The following CAPN13 variants were observed in gnomAD, a reference collection of about 807,000 sequenced individuals.
CAPN13 encodes calpain 13.
CAPN13 carries 90 observed loss-of-function variants against 98.4 expected under a neutral mutation model. The ratio of observed to expected loss-of-function variants is 0.92; its 90% CI spans 0.77 to 1.09. CAPN13 has a LOEUF of 1.09. CAPN13 is among the 50% of genes least tolerant of loss of function. CAPN13 has a pLI of 0.00. For synonymous variants in CAPN13, 330 were observed against 305.5 expected (o/e 1.08, Z -0.84); for missense variants, 887 against 841.3 (o/e 1.05, Z -0.67).
At chr2:30,767,450 C>A (rs761340088) in intron 5 of CAPN13, among the ~76,000 whole-genome samples, 1 of 152,126 alleles carries the variant, frequency 6.6e-6, no homozygotes, top group East Asian at 1.9e-4. Flanking sequence ...AAAATGGGGT[C>A]AAAGTCATCA....
At chr2:30,750,532 G>T (rs537644909) in intron 11 of CAPN13, among the ~76,000 whole-genome samples, 14 of 152,200 alleles carry the variant, frequency 9.2e-5, no homozygotes, top group African/African-American at 3.1e-4. Context: ...TAGCCAAGCA[G>T]AAGTTTGCAT....
intron 1 of CAPN13, among the ~76,000 whole-genome samples, chr2:30,798,385 C>A (rs2148105612): frequency 6.6e-6 from 1 of 152,218 alleles, no homozygotes; most frequent in Non-Finnish European, 1.5e-5. Flanking sequence ...TTGGGCAGAT[C>A]CCTTCCAACT....
chr2:30,804,770 G>A lies in CAPN13; in HGVS notation c.-33+2532C>T, dbSNP rs574091283. 1.2e-4 allele frequency among the ~76,000 whole-genome samples: 18 copies of A among 152,262 alleles called. No homozygotes were observed. In the South Asian group the frequency reaches 3.1e-3, roughly 26 times the overall value. On this transcript the variant is annotated intron_variant, in intron 1 of 22. Coordinates refer to ENST00000295055, the MANE Select transcript of CAPN13 (RefSeq NM_144575.3). ...ATCAGTGGCATGCTCCACCATGGACGTTCTGAGAGAGTTAGGATGCCCTCA... is the reference window on the plus strand; with the variant it reads ...ATCAGTGGCATGCTCCACCATGGACATTCTGAGAGAGTTAGGATGCCCTCA...
intron 1 of CAPN13, among the ~76,000 whole-genome samples, chr2:30,800,300 C>T (rs1398539128): frequency 1.3e-5 from 2 of 152,162 alleles, no homozygotes; most frequent in Non-Finnish European, 2.9e-5. Flanking sequence ...CCAAAGAGAT[C>T]AACAGCTTGG....
chr2:30,727,811 C>A (rs1372088595), intron 22 of CAPN13, among the ~76,000 whole-genome samples: 1 of 152,028 alleles, frequency 6.6e-6, no homozygotes, highest in African/African-American at 2.4e-5. Context: ...TAACTATACA[C>A]CCAATTGAAA....
In CAPN13 at chr2:30,775,900, A is replaced by T. The variant is rs1334247696; in HGVS notation, c.387+30T>A. ...CCCTGTACTCACAGAGAACCCCATCATATAATGAGCGCTGCAAGGGCACAC... is the reference window on the plus strand; with the variant it reads ...CCCTGTACTCACAGAGAACCCCATCTTATAATGAGCGCTGCAAGGGCACAC... On this transcript the variant is annotated intron_variant, in intron 4 of 22. Transcript: ENST00000295055. 5 of 1,523,952 alleles carry T rather than the reference A, an allele frequency of 3.3e-6. No homozygotes were observed. The South Asian group carries it at 6.0e-5, about 18-fold the overall frequency. The allele number at this position is 1,523,952 out of a possible 1,614,324, so 94.4% of individuals were successfully genotyped here. A position where few individuals can be genotyped will look rare whatever the true frequency, so the allele number is the denominator to read the frequency against.
At chr2:30,779,380 A>G (rs1277653744) in intron 2 of CAPN13, among the ~76,000 whole-genome samples, 1 of 152,218 alleles carries the variant, frequency 6.6e-6, no homozygotes, top group African/African-American at 2.4e-5. Flanking sequence ...AAATGTAAAG[A>G]CAGTTGAGAG....
chr2:30,774,239 C>T (rs1409604809), intron 4 of CAPN13, among the ~76,000 whole-genome samples: 2 of 151,476 alleles, frequency 1.3e-5, no homozygotes, highest in African/African-American at 4.9e-5. Flanking sequence ...TTCAGAAAAT[C>T]ACAAAAACAA....
intron 1 of CAPN13, among the ~76,000 whole-genome samples, chr2:30,799,561 T>C (rs1306394194): frequency 6.6e-6 from 1 of 152,156 alleles, no homozygotes; most frequent in Non-Finnish European, 1.5e-5. Flanking sequence ...GCTTGACTCC[T>C]GTCCTGCCCC....
intron 5 of CAPN13, among the ~76,000 whole-genome samples, chr2:30,767,850 C>T (rs555014591): frequency 6.6e-6 from 1 of 152,318 alleles, no homozygotes; most frequent in Non-Finnish European, 1.5e-5. Flanking sequence ...GGGCCCAGGA[C>T]TGCACTCGGC....
At chr2:30,725,725 T>C (rs1670836558) in intron 22 of CAPN13, among the ~76,000 whole-genome samples, 2 of 152,268 alleles carry the variant, frequency 1.3e-5, no homozygotes, top group South Asian at 2.1e-4. Flanking sequence ...CCTCAGAGTG[T>C]TGGAACTCCT....
rs140241192 is a variant in CAPN13 at position 30,776,325 on chromosome 2, G to A, written c.272-280C>T. On this transcript the variant is annotated intron_variant, in intron 3 of 22. Transcript: ENST00000295055. ...GGGCTCACTGCAACCTCCGCCTCCCGGGTTCAAGAGATTCTCCTGCCACAG... is the reference window on the plus strand; with the variant it reads ...GGGCTCACTGCAACCTCCGCCTCCCAGGTTCAAGAGATTCTCCTGCCACAG... 3.5e-3 allele frequency among the ~76,000 whole-genome samples: 537 copies of A among 152,148 alleles called. 2 individuals carry two copies. Among genetic ancestry groups the A allele is most frequent in the African/African-American group, 0.011 (462 of 41,500 alleles).
At chr2:30,770,211 AG>A in intron 5 of CAPN13, 101 bp downstream of exon 5, 1 of 1,477,212 alleles carries the variant, frequency 6.8e-7, no homozygotes, top group Non-Finnish European at 9.2e-7. Context: ...ATGCCCAGCC[AG>A]GTGGCAAAGG....
At chr2:30,764,057 T>A in intron 6 of CAPN13, 75 bp downstream of exon 6, 3 of 1,433,888 alleles carry the variant, frequency 2.1e-6, no homozygotes, top group Non-Finnish European at 2.8e-6. Context: ...CCTCCTTAGC[T>A]GAATGGACCC....
chr2:30,732,415 G>A, intron 20 of CAPN13, 23 bp downstream of exon 20: 1 of 1,612,304 alleles, frequency 6.2e-7, no homozygotes, highest in Non-Finnish European at 8.5e-7. Context: ...AAGGTCTCTG[G>A]GATGCCCCTT....
intron 4 of CAPN13, among the ~76,000 whole-genome samples, chr2:30,774,385 A>C (rs1164006061): frequency 2.0e-5 from 3 of 152,228 alleles, no homozygotes; most frequent in East Asian, 3.9e-4. Context: ...AAAACAAACA[A>C]ACACAACACC....
rs1307951681 is a variant in CAPN13 at position 30,732,571 on chromosome 2, G to A, written c.1799-5C>T. On this transcript the variant is annotated splice_polypyrimidine_tract_variant and splice_region_variant and intron_variant, in intron 19 of 22. Coordinates refer to ENST00000295055, the MANE Select transcript of CAPN13 (RefSeq NM_144575.3). ...TGAAGATCCCTCTGAGGAAGTCTGG[G>A]GCCACAGGTGAACGAGTGAGTGAGA... 1 of 1,605,402 alleles carries A rather than the reference G, an allele frequency of 6.2e-7. No individual in the cohort carries two copies.
intron 20 of CAPN13, 67 bp from the exon 21 acceptor site, chr2:30,731,466 A>T (rs1254850550): frequency 5.0e-5 from 71 of 1,406,400 alleles, no homozygotes; most frequent in Non-Finnish European, 6.7e-5. Flanking sequence ...CAGGGGAGGC[A>T]GGCCTGGGCC....
chr2:30,738,247 C>A lies in CAPN13; in HGVS notation c.1641G>T (p.Val547=). The change falls in exon 17 of 23, where the codon GTG becomes GTT. Residue 547 remains valine, a synonymous_variant. Coordinates refer to ENST00000295055, the MANE Select transcript of CAPN13 (RefSeq NM_144575.3). ...CCGCAAAGGATACTTCCATCAGAGC[C>A]ACCAAGCTGCGGCACTCATCTAAGG... ...MFSLDECRSL[V]ALMELKVNGR... is the part of the protein sequence containing the mutation. 6.2e-7 allele frequency: 1 copy of A among 1,613,944 alleles called. No individual in the cohort carries two copies. The highest frequency in any genetic ancestry group is 8.5e-7 in the Non-Finnish European group (1 of 1,179,898).
Sources: gnomAD v4.1 joint callset for allele counts (sites outside exome capture counted in the v4.1 genomes callset) on GRCh38, gnomAD v4.1.1 for gene constraint, MANE v1.5 for transcripts, NCBI Gene and HGNC (gene_info 2026-07-23, HGNC 2026-07-21) for gene names.